The following GPHN variants were observed in gnomAD, a reference collection of about 807,000 sequenced individuals.
GPHN encodes gephyrin.
A neutral mutation model predicts 95.5 loss-of-function variants in GPHN; 17 were observed. The ratio of observed to expected loss-of-function variants is 0.18; its 90% CI spans 0.12 to 0.27. GPHN has a LOEUF of 0.27. Ranked by LOEUF, GPHN falls within the 10% of genes least tolerant of loss-of-function variation. The pLI, the probability that GPHN is intolerant of heterozygous loss-of-function variation, is 1.00. For synonymous variants in GPHN, 320 were observed against 322.5 expected (o/e 0.99, Z 0.08); for missense variants, 660 against 978.1 (o/e 0.67, Z 4.34).
At chr14:67,674,832 G>A in the GPHN span, 1,530 of 192,926 alleles carry the variant, frequency 7.9e-3, 69 homozygotes, top group Admixed American at 0.076. Flanking sequence ...AGCGAAAGGG[G>A]CCTAGGGGAC....
At chr14:67,067,866 T>C (rs980563253) in intron 11 of GPHN, among the ~76,000 whole-genome samples, 1 of 152,196 alleles carries the variant, frequency 6.6e-6, no homozygotes, top group Non-Finnish European at 1.5e-5. Flanking sequence ...TGTCACGGCT[T>C]CCCTTGGCTA....
the GPHN span, among the ~76,000 whole-genome samples, chr14:67,432,240 A>T: frequency 6.6e-6 from 1 of 152,356 alleles, no homozygotes; most frequent in Admixed American, 6.5e-5. Context: ...TCCAGCTCCA[A>T]GAGGTTAAAT....
chr14:67,605,527 A>C, the GPHN span, among the ~76,000 whole-genome samples: 1 of 151,698 alleles, frequency 6.6e-6, no homozygotes, highest in East Asian at 1.9e-4. Flanking sequence ...CAGCCTTGCC[A>C]CTCTCTTTTT....
chr14:67,589,716 A>G, the GPHN span: 1 of 1,004,080 alleles, frequency 1.0e-6, no homozygotes, highest in East Asian at 1.0e-4. Flanking sequence ...TAGCTTTCTC[A>G]AGACATCTGA....
chr14:67,045,536 T>A lies in GPHN; in HGVS notation c.1007-13113T>A, dbSNP rs115011170. ...GTCTGTCTCTCTCTGTGTATTTGTC[T>A]CTCTGTGTGTGTCTCTCTCTGTCTC... On this transcript the variant is annotated intron_variant, in intron 10 of 22. Transcript: ENST00000478722. Among the ~76,000 whole-genome samples, 446 of 152,028 alleles carry A rather than the reference T, an allele frequency of 2.9e-3. 3 individuals are homozygous for A. Among genetic ancestry groups the A allele is most frequent in the African/African-American group, 0.01 (428 of 41,446 alleles).
chr14:66,776,662 T>TG, intron 3 of GPHN, 141 bp downstream of exon 3: 1 of 688,262 alleles, frequency 1.5e-6, no homozygotes, highest in Non-Finnish European at 2.6e-6. Flanking sequence ...GAATTAAAAA[T>TG]TTATATGTAT....
At chr14:66,537,669 C>T (rs953702068) in intron 1 of GPHN, among the ~76,000 whole-genome samples, 6 of 152,078 alleles carry the variant, frequency 3.9e-5, no homozygotes, top group Non-Finnish European at 7.4e-5. Context: ...CAGTTCTTTG[C>T]TACCATCCAG....
At chr14:67,674,109 A>C in the GPHN span, among the ~76,000 whole-genome samples, 3 of 152,258 alleles carry the variant, frequency 2.0e-5, no homozygotes, top group Non-Finnish European at 2.9e-5. Context: ...CAGATGCAAA[A>C]GCCCCTCTGC....
At chr14:66,621,600 A>T (rs192048607) in intron 1 of GPHN, among the ~76,000 whole-genome samples, 13 of 131,868 alleles carry the variant, frequency 9.9e-5, no homozygotes, top group Admixed American at 9.3e-4. Flanking sequence ...AATTTTTTGT[A>T]TTTTAGTAGA....
At chr14:66,981,892 G>A (rs549603950) in intron 9 of GPHN, among the ~76,000 whole-genome samples, 4 of 152,220 alleles carry the variant, frequency 2.6e-5, no homozygotes, top group African/African-American at 9.6e-5. Context: ...ATTTATTGAT[G>A]CATTCAGAAA....
intron 12 of GPHN, among the ~76,000 whole-genome samples, chr14:67,096,038 A>G (rs973410073): frequency 7.3e-5 from 11 of 151,380 alleles, no homozygotes; most frequent in Non-Finnish European, 1.6e-4. Context: ...GAATCTGTAT[A>G]TTCACAAGAT....
intron 3 of GPHN, among the ~76,000 whole-genome samples, chr14:66,778,572 A>T (rs898321950): frequency 6.6e-6 from 1 of 152,148 alleles, no homozygotes; most frequent in Non-Finnish European, 1.5e-5. Context: ...AATACTGGTT[A>T]AATTGTTAAC....
At chr14:66,946,763 A>G (rs939467962) in intron 8 of GPHN, among the ~76,000 whole-genome samples, 1 of 152,214 alleles carries the variant, frequency 6.6e-6, no homozygotes, top group African/African-American at 2.4e-5. Flanking sequence ...TAGTATTTTC[A>G]TAGATAAAAA....
chr14:67,378,579 C>G, the GPHN span, among the ~76,000 whole-genome samples: 1 of 152,164 alleles, frequency 6.6e-6, no homozygotes. Flanking sequence ...TTAAACACAA[C>G]TTTATATTTC....
At chr14:67,178,347 T>C (rs2083127971) in intron 21 of GPHN, among the ~76,000 whole-genome samples, 1 of 152,238 alleles carries the variant, frequency 6.6e-6, no homozygotes, top group Admixed American at 6.5e-5. Flanking sequence ...TATGAAATTC[T>C]GGGTTGAAAA....
At chr14:67,420,120 C>G in the GPHN span, among the ~76,000 whole-genome samples, 1 of 152,230 alleles carries the variant, frequency 6.6e-6, no homozygotes, top group Non-Finnish European at 1.5e-5. Context: ...AGTGCAACAA[C>G]CATGGCATGC....
the GPHN span, among the ~76,000 whole-genome samples, chr14:67,674,990 G>T: frequency 6.6e-6 from 1 of 152,186 alleles, no homozygotes; most frequent in Non-Finnish European, 1.5e-5. Flanking sequence ...GCCAGGTTCA[G>T]CCCGCGCGGC....
intron 9 of GPHN, among the ~76,000 whole-genome samples, chr14:66,976,918 G>A (rs1406264571): frequency 7.5e-6 from 1 of 133,300 alleles, no homozygotes; most frequent in African/African-American, 2.9e-5. Flanking sequence ...AAATATGTGG[G>A]GGGGGGGGGA....
chr14:67,276,170 A>G, the GPHN span, among the ~76,000 whole-genome samples: 1 of 150,682 alleles, frequency 6.6e-6, no homozygotes, highest in Admixed American at 6.6e-5. Context: ...TCTGCTTAAA[A>G]TGTTTTAATT....
Sources: allele counts gnomAD v4.1 joint callset (sites outside exome capture counted in the v4.1 genomes callset), GRCh38; gene constraint gnomAD v4.1.1; transcripts MANE v1.5; gene names NCBI Gene and HGNC (gene_info 2026-07-23, HGNC 2026-07-21).